CD82: variants seen among roughly 807,000 people sequenced by gnomAD.
CD82 encodes the protein CD82 molecule.
A neutral mutation model predicts 37.4 loss-of-function variants in CD82; 36 were observed. The ratio of observed to expected loss-of-function variants is 0.96; its 90% CI spans 0.74 to 1.27. The LOEUF is 1.27. Among genes scored for constraint, CD82 ranks in the 50% most tolerant of loss-of-function variants. CD82 has a pLI of 0.00. For synonymous variants in CD82, 158 were observed against 137.4 expected, an observed-to-expected ratio of 1.15 and a Z score of -1.05; for missense variants, 340 against 347.0, an observed-to-expected ratio of 0.98 and a Z score of 0.16.
chr11:44,569,354 A>G (rs1252705984), intron 1 of CD82, among the ~76,000 whole-genome samples: 2 of 151,870 alleles, frequency 1.3e-5, no homozygotes, highest in African/African-American at 4.8e-5. Flanking sequence ...TTCCCCTTCC[A>G]CTGTGGTTTT....
intron 2 of CD82, among the ~76,000 whole-genome samples, chr11:44,590,803 C>A (rs7350506): frequency 1.3e-5 from 2 of 151,864 alleles, no homozygotes; most frequent in Admixed American, 1.3e-4. Flanking sequence ...GGCATAACCC[C>A]TGGCACTCTG....
At chr11:44,600,280 G>T in intron 4 of CD82, 50 bp downstream of exon 4, 3 of 1,558,472 alleles carry the variant, frequency 1.9e-6, no homozygotes, top group Non-Finnish European at 2.7e-6. Flanking sequence ...AGAGGGGAGG[G>T]CCAGGGCGCA....
intron 2 of CD82, among the ~76,000 whole-genome samples, chr11:44,592,240 G>A (rs781460779): frequency 6.6e-6 from 1 of 152,208 alleles, no homozygotes; most frequent in African/African-American, 2.4e-5. Context: ...CTGCAACACC[G>A]TGGATCTGAC....
intron 6 of CD82, among the ~76,000 whole-genome samples, chr11:44,606,015 A>G (rs1853389806): frequency 6.6e-6 from 1 of 152,184 alleles, no homozygotes; most frequent in Non-Finnish European, 1.5e-5. Context: ...GGTTGACTTG[A>G]CCGGAAGTCT....
At chr11:44,593,106 G>A (rs552264565) in intron 2 of CD82, among the ~76,000 whole-genome samples, 7 of 152,332 alleles carry the variant, frequency 4.6e-5, no homozygotes, top group Middle Eastern at 3.4e-3. Flanking sequence ...CCCCATCACC[G>A]GAGGTGTGTG....
chr11:44,575,046 C>G (rs1157500660), intron 1 of CD82, among the ~76,000 whole-genome samples: 2 of 152,208 alleles, frequency 1.3e-5, no homozygotes, highest in Admixed American at 6.5e-5. Context: ...TTTTTAAACT[C>G]AAGGTCAGAG....
In CD82 at chr11:44,618,294, G is replaced by T. The variant is rs1189974432; in HGVS notation, c.571G>T (p.Gly191Cys). The change falls in exon 8 of 10, where the codon GGC (glycine) becomes TGC (cysteine). Residue 191 changes from glycine to cysteine, a missense_variant. By Grantham distance (159) the Gly-to-Cys change is radical. Coordinates refer to ENST00000227155, the MANE Select transcript of CD82 (RefSeq NM_002231.4). Reference sequence around the variant, plus strand: ...GGACAACAGCCTTTCTGTGAGGAAGGGCTTCTGCGAGGCCCCCGGCAACAG... The same window carrying T: ...GGACAACAGCCTTTCTGTGAGGAAGTGCTTCTGCGAGGCCCCCGGCAACAG... ...EEDNSLSVRKGFCEAPGNRTQ... is the reference protein window; with the variant it reads ...EEDNSLSVRKCFCEAPGNRTQ... 4.3e-6 allele frequency: 7 copies of T among 1,613,874 alleles called. No homozygotes were observed. Among genetic ancestry groups the T allele is most frequent in the Non-Finnish European group, 5.1e-6 (6 of 1,180,038 alleles).
rs117965068 is a variant in CD82, at chr11:44,599,732, C to T, written c.64-426C>T. ...GTGGCAGGTGACCCTGTTGTTCAGA[C>T]CTGGGGATGAGTTGGGCTTTGATGT... On this transcript the variant is annotated intron_variant, in intron 3 of 9. Coordinates refer to ENST00000227155, the MANE Select transcript of CD82 (RefSeq NM_002231.4). Among the ~76,000 whole-genome samples the T allele has an allele frequency of 8.0e-3, 1,212 of 152,322 alleles. 5 individuals carry two copies. Among genetic ancestry groups the T allele is most frequent in the Non-Finnish European group, 0.013 (887 of 68,026 alleles).
intron 1 of CD82, among the ~76,000 whole-genome samples, chr11:44,574,543 TTATC>T (rs1242971800): frequency 6.6e-6 from 1 of 152,126 alleles, no homozygotes; most frequent in Non-Finnish European, 1.5e-5. Flanking sequence ...TTTAAAAACT[TTATC>T]TAAACCAAAT....
intron 1 of CD82, among the ~76,000 whole-genome samples, chr11:44,567,899 G>C (rs1361975856): frequency 6.6e-6 from 1 of 152,232 alleles, no homozygotes; most frequent in African/African-American, 2.4e-5. Context: ...CTTGAGGAGA[G>C]GAAAATGCCT....
chr11:44,570,904 C>T (rs1307517471), intron 1 of CD82, among the ~76,000 whole-genome samples: 1 of 152,178 alleles, frequency 6.6e-6, no homozygotes, highest in Non-Finnish European at 1.5e-5. Flanking sequence ...GGACGGTGGC[C>T]TCCAGGAAGC....
chr11:44,617,830 G>A (rs1037534476), intron 7 of CD82, among the ~76,000 whole-genome samples: 7 of 152,196 alleles, frequency 4.6e-5, no homozygotes, highest in Non-Finnish European at 1.0e-4. Context: ...CTTGATGGAG[G>A]TTGCTCAGCT....
In CD82 at chr11:44,618,223, G is replaced by A. The variant is rs143845294; in HGVS notation, c.500G>A (p.Arg167His). Reference sequence around the variant, plus strand: ...ACAGACAACGCTGAGCTCATGAATCGCCCTGAGGTCACCTACCCCTGTTCC... The same window carrying A: ...ACAGACAACGCTGAGCTCATGAATCACCCTGAGGTCACCTACCCCTGTTCC... Reference protein sequence around the residue: ...NWTDNAELMNRPEVTYPCSCE... With the variant: ...NWTDNAELMNHPEVTYPCSCE... Residue 167 changes from arginine to histidine, a missense_variant, in exon 8 of 10, where the codon CGC becomes CAC. Coordinates refer to ENST00000227155, the MANE Select transcript of CD82 (RefSeq NM_002231.4). 49 of 1,613,938 alleles carry A rather than the reference G, an allele frequency of 3.0e-5. No homozygotes were observed. Among genetic ancestry groups the A allele is most frequent in the East Asian group, 2.5e-4 (11 of 44,852 alleles).
chr11:44,606,395 C>T (rs929522152), intron 6 of CD82: 27 of 147,428 alleles, frequency 1.8e-4, no homozygotes, highest in African/African-American at 6.1e-4. Flanking sequence ...CAGGAGGATC[C>T]TTGAGGCCAG....
At chr11:44,595,908 CAAAAAA>C (rs71449886) in intron 3 of CD82, among the ~76,000 whole-genome samples, 154 of 69,662 alleles carry the variant, frequency 2.2e-3, no homozygotes, top group African/African-American at 7.3e-3. Flanking sequence ...TGTTTCTCTA[CAAAAAA>C]AAAAAAAAAA....
At chr11:44,572,923 C>A (rs1352402263) in intron 1 of CD82, among the ~76,000 whole-genome samples, 2 of 152,232 alleles carry the variant, frequency 1.3e-5, no homozygotes, top group African/African-American at 4.8e-5. Context: ...CCCGTCCCGC[C>A]ACAGGACGTG....
chr11:44,579,513 C>A (rs1039165884), intron 1 of CD82, among the ~76,000 whole-genome samples: 2 of 152,098 alleles, frequency 1.3e-5, no homozygotes, highest in Admixed American at 6.6e-5. Flanking sequence ...CTCCCTTCAC[C>A]CTTGAGTCTA....
At chr11:44,600,287 C>A in intron 4 of CD82, 57 bp downstream of exon 4, 1 of 1,492,134 alleles carries the variant, frequency 6.7e-7, no homozygotes, top group Non-Finnish European at 9.4e-7. Context: ...AGGGCCAGGG[C>A]GCAGATACAG....
chr11:44,590,697 G>A (rs1446087032), intron 2 of CD82, among the ~76,000 whole-genome samples: 1 of 150,724 alleles, frequency 6.6e-6, no homozygotes, highest in East Asian at 2.0e-4. Flanking sequence ...TGGTCTGCAG[G>A]CTGCAGTTTA....
Sources: gnomAD v4.1 joint callset for allele counts (sites outside exome capture counted in the v4.1 genomes callset) on GRCh38, gnomAD v4.1.1 for gene constraint, MANE v1.5 for transcripts, NCBI Gene and HGNC (gene_info 2026-07-23, HGNC 2026-07-21) for gene names.